Variants in TRMT6 observed in about 807,000 individuals in gnomAD.
TRMT6 encodes the protein tRNA methyltransferase 6 non-catalytic subunit, also known as tRNA (adenine(58)-N(1))-methyltransferase non-catalytic subunit TRM6.
Under a neutral mutation model 59.0 loss-of-function variants are expected in TRMT6, and 34 were observed. The observed-to-expected ratio is 0.58, with a 90% CI of 0.44 to 0.77. TRMT6 has a LOEUF of 0.77. TRMT6 is among the 30% of genes least tolerant of loss of function. TRMT6 has a pLI of 0.00. For synonymous variants in TRMT6, 217 were observed against 210.5 expected (o/e 1.03, Z -0.27); for missense variants, 575 against 604.5 (o/e 0.95, Z 0.51).
In TRMT6 at chr20:5,941,328, C is replaced by T. The variant is rs368525095; in HGVS notation, c.1130G>A (p.Arg377His). Residue 377 changes from arginine to histidine, a missense_variant, in exon 9 of 11, where the codon CGT becomes CAT. Arg to His is a conservative substitution (Grantham distance 29). Coordinates refer to ENST00000203001, the MANE Select transcript of TRMT6 (RefSeq NM_015939.5). ...RNADGLIVAS[R>H]FHPTPLLLSL... ...CAGCAGCAGGGGAGTGGGGTGGAAA[C>T]GACTAGCTACAATTAAACTGTAAGG... 3.3e-5 allele frequency: 53 copies of T among 1,613,792 alleles called. No individual in the cohort carries two copies. Among genetic ancestry groups the T allele is most frequent in the African/African-American group, 1.1e-4 (8 of 74,858 alleles).
intron 10 of TRMT6, among the ~76,000 whole-genome samples, chr20:5,939,825 T>C (rs1355827081): frequency 6.6e-6 from 1 of 151,678 alleles, no homozygotes. Flanking sequence ...CAAGGCTCAA[T>C]AGCATCCCCA....
Position 5,942,755 on chromosome 20 carries a change from T to C in TRMT6, c.699A>G (p.Gly233=). 2 of 1,613,994 alleles carry C rather than the reference T, an allele frequency of 1.2e-6. No homozygotes were observed. Among genetic ancestry groups the C allele is most frequent in the Non-Finnish European group, 1.7e-6 (2 of 1,179,982 alleles). The change falls in exon 7 of 11, where the codon GGA becomes GGG. Residue 233 remains glycine (G), a synonymous_variant. Transcript: ENST00000203001. ...CTGTTGCTGCCCGAACAGGTCCTCCTCCAGGGTATAGCTGAATAATGGAGC... is the reference window on the plus strand; with the variant it reads ...CTGTTGCTGCCCGAACAGGTCCTCCCCCAGGGTATAGCTGAATAATGGAGC... ...GFGSIIQLYP[G]GGPVRAATAC... is the part of the protein sequence containing the mutation.
intron 1 of TRMT6, among the ~76,000 whole-genome samples, chr20:5,949,237 CAG>C (rs1213883940): frequency 6.6e-6 from 1 of 151,588 alleles, no homozygotes; most frequent in Non-Finnish European, 1.5e-5. Context: ...GTGATGGTGC[CAG>C]AGTCCCAGCC....
intron 10 of TRMT6, among the ~76,000 whole-genome samples, 167 bp downstream of exon 10, chr20:5,940,886 C>T (rs1600222368): frequency 6.6e-6 from 1 of 152,110 alleles, no homozygotes; most frequent in African/African-American, 2.4e-5. Flanking sequence ...GTCTTGAACT[C>T]CTGGGCTCAA....
Position 5,946,527 on chromosome 20 carries a change from T to C in TRMT6, c.135A>G (p.Val45=). Residue 45 remains valine (V), a synonymous_variant, in exon 2 of 11, where the codon GTA becomes GTG. Coordinates refer to ENST00000203001, the MANE Select transcript of TRMT6 (RefSeq NM_015939.5). The stretch of plus-strand genomic sequence containing the variant: ...GGTAGAACCACTGTTTTTCGAAAGT[T>C]ACTTTTCTAGGGAAAAAAAGTAATC... ...KAVQVQRRKK[V]TFEKQWFYLD... 1 of 1,614,140 alleles carries C rather than the reference T, an allele frequency of 6.2e-7. No homozygotes were observed. The highest frequency in any genetic ancestry group is 8.5e-7 in the Non-Finnish European group (1 of 1,179,994).
At chr20:5,943,905 C>T in intron 5 of TRMT6, 43 bp downstream of exon 5, 1 of 1,587,454 alleles carries the variant, frequency 6.3e-7, no homozygotes, top group South Asian at 1.2e-5. Flanking sequence ...TTCTTAAAGA[C>T]ATATTTCCCC....
chr20:5,948,686 T>G (rs1348129264), intron 1 of TRMT6, among the ~76,000 whole-genome samples: 1 of 151,906 alleles, frequency 6.6e-6, no homozygotes, highest in African/African-American at 2.4e-5. Flanking sequence ...GCAAAAAAAA[T>G]TAATTAGTTT....
intron 2 of TRMT6, among the ~76,000 whole-genome samples, 198 bp from the exon 3 acceptor site, chr20:5,945,112 CT>C (rs1366364340): frequency 1.3e-5 from 2 of 152,226 alleles, no homozygotes; most frequent in Non-Finnish European, 2.9e-5. Flanking sequence ...TCTTGCCCCC[CT>C]ACTATCCACC....
intron 1 of TRMT6, among the ~76,000 whole-genome samples, chr20:5,946,998 G>T (rs236183): frequency 6.6e-6 from 1 of 151,992 alleles, no homozygotes; most frequent in Non-Finnish European, 1.5e-5. Context: ...GGAACACAAT[G>T]CTTTCTTCTC....
chr20:5,946,999 C>T (rs1250547476), intron 1 of TRMT6, among the ~76,000 whole-genome samples: 1 of 152,168 alleles, frequency 6.6e-6, no homozygotes, highest in Non-Finnish European at 1.5e-5. Context: ...GAACACAATG[C>T]TTTCTTCTCA....
intron 10 of TRMT6, among the ~76,000 whole-genome samples, chr20:5,940,645 G>T (rs1322038248): frequency 6.6e-6 from 1 of 152,106 alleles, no homozygotes; most frequent in Non-Finnish European, 1.5e-5. Flanking sequence ...TTGAGAGAGG[G>T]TCTTACTCTG....
rs376972151 is a variant in TRMT6 at position 5,939,486 on chromosome 20, G to GAA, written c.1303-762_1303-761dup. The stretch of plus-strand genomic sequence containing the variant: ...CAGAGCGAGACTCTGTCTCAAAAAT[G>GAA]AAAAAAAAAAAAAAAAGAGAAGAAA... On this transcript the variant is annotated intron_variant, in intron 10 of 10. Coordinates refer to ENST00000203001, the MANE Select transcript of TRMT6 (RefSeq NM_015939.5). Among the ~76,000 whole-genome samples, 11 of 78,996 alleles carry GAA rather than the reference G, an allele frequency of 1.4e-4. No individual in the cohort carries two copies. In the South Asian group the frequency reaches 3.2e-3, roughly 23 times the overall value. 51.8% of individuals were successfully genotyped at this position (78,996 alleles called of 152,430 possible). A position where few individuals can be genotyped will look rare whatever the true frequency, so the allele number is the denominator to read the frequency against.
In TRMT6 at chr20:5,938,543, C is replaced by CA; in HGVS notation, c.1485dup (p.Asp496Ter). On this transcript the variant is annotated frameshift_variant, in exon 11 of 11. Transcript: ENST00000203001. LOFTEE classifies it high-confidence loss of function. Reference sequence around the variant, plus strand: ...AGCAATTCTCAAAAGGGTTAAGAGTCAGACTCTGGGCATTTTCGTTTTTTA... The same window carrying CA: ...AGCAATTCTCAAAAGGGTTAAGAGTCAAGACTCTGGGCATTTTCGTTTTTTA... 1 of 1,613,862 alleles carries CA rather than the reference C, an allele frequency of 6.2e-7. No homozygotes were observed. The highest frequency in any genetic ancestry group is 1.3e-5 in the African/African-American group (1 of 75,010).
Position 5,944,027 on chromosome 20 carries a change from C to G in TRMT6, c.463G>C (p.Glu155Gln). 4 of 1,587,722 alleles carry G rather than the reference C, an allele frequency of 2.5e-6. No individual in the cohort carries two copies. In the South Asian group the frequency reaches 4.8e-5, roughly 19 times the overall value. The stretch of plus-strand genomic sequence containing the variant: ...GGCTTCACAACAGTAATGATGGCTT[C>G]ATATCTGGGGGAAGAAAAAACAGAA... ...KYIKKKKKKY[E>Q]AIITVVKPST... is the part of the protein sequence containing the mutation. Residue 155 changes from glutamate to glutamine, a missense_variant, in exon 5 of 11, where the codon GAA becomes CAA. Physicochemically the swap from Glu to Gln is conservative, Grantham distance 29 (BLOSUM62 2). Coordinates refer to ENST00000203001, the MANE Select transcript of TRMT6 (RefSeq NM_015939.5).
rs761524654 is a variant in TRMT6, at chr20:5,942,529, C to A, written c.925G>T (p.Ala309Ser). The A allele has an allele frequency of 2.5e-6, 4 of 1,613,872 alleles. No individual in the cohort carries two copies. The South Asian group carries it at 3.3e-5, about 13-fold the overall frequency. Residue 309 changes from alanine (A) to serine (S), a missense_variant, in exon 7 of 11, where the codon GCC (alanine) becomes TCC (serine). By Grantham distance (99) the Ala-to-Ser change is moderately conservative. Transcript: ENST00000203001. ...EQENEDSMAE[A>S]PESNHPEDQE... Reference sequence around the variant, plus strand: ...TCTTCTGGGTGGTTGCTCTCTGGGGCCTCTGCCATGCTGTCTTCATTCTCT... The same window carrying A: ...TCTTCTGGGTGGTTGCTCTCTGGGGACTCTGCCATGCTGTCTTCATTCTCT...
intron 1 of TRMT6, among the ~76,000 whole-genome samples, chr20:5,946,947 AGATT>A (rs1349620535): frequency 6.6e-6 from 1 of 152,196 alleles, no homozygotes; most frequent in African/African-American, 2.4e-5. Flanking sequence ...CCTATGACAT[AGATT>A]TTTTATCTTA....
rs1314956189 is a variant in TRMT6, at chr20:5,943,621, T to C, written c.605A>G (p.Lys202Arg). The change falls in exon 6 of 11, where the codon AAA becomes AGA. Residue 202 changes from lysine to arginine, a missense_variant. Lys to Arg is a conservative substitution (Grantham distance 26, BLOSUM62 2). Transcript: ENST00000203001. ...TGCACACGTTTCCATCACAATCATTTTGTTGCCAGCACGGATATTTCCCAA... is the reference window on the plus strand; with the variant it reads ...TGCACACGTTTCCATCACAATCATTCTGTTGCCAGCACGGATATTTCCCAA... ...LTLGNIRAGN[K>R]MIVMETCAGL... The C allele has an allele frequency of 1.2e-6, 2 of 1,614,240 alleles. No individual in the cohort carries two copies. Among genetic ancestry groups the C allele is most frequent in the African/African-American group, 2.7e-5 (2 of 75,070 alleles).
chr20:5,943,364 G>A (rs560385413), intron 6 of TRMT6, among the ~76,000 whole-genome samples, 195 bp downstream of exon 6: 1 of 152,258 alleles, frequency 6.6e-6, no homozygotes, highest in South Asian at 2.1e-4. Context: ...TGGGTTTGGG[G>A]GTACCCATGG....
At chr20:5,947,963 G>T (rs1376791161) in intron 1 of TRMT6, among the ~76,000 whole-genome samples, 2 of 152,092 alleles carry the variant, frequency 1.3e-5, no homozygotes, top group Non-Finnish European at 2.9e-5. Flanking sequence ...AAGCAGGAGG[G>T]TCACTTGAAT....
Sources: gnomAD v4.1 joint callset for allele counts (sites outside exome capture counted in the v4.1 genomes callset) on GRCh38, gnomAD v4.1.1 for gene constraint, MANE v1.5 for transcripts, NCBI Gene and HGNC (gene_info 2026-07-23, HGNC 2026-07-21) for gene names.